VAX2: variants seen among roughly 807,000 people sequenced by gnomAD.
The protein encoded by VAX2 is ventral anterior homeobox 2.
A neutral mutation model predicts 12.5 loss-of-function variants in VAX2; 8 were observed. That is an observed-to-expected ratio of 0.64 (90% CI 0.37 to 1.15). VAX2 has a LOEUF of 1.15. Ranked by LOEUF, VAX2 falls within the 50% of genes most tolerant of loss-of-function variation. VAX2 has a pLI of 0.01. For synonymous variants in VAX2, 183 were observed against 187.6 expected, an observed-to-expected ratio of 0.98 and a Z score of 0.20; for missense variants, 476 against 412.9, an observed-to-expected ratio of 1.15 and a Z score of -1.32.
intron 2 of VAX2, among the ~76,000 whole-genome samples, chr2:70,928,272 T>C (rs1311267939): frequency 3.9e-5 from 6 of 152,200 alleles, no homozygotes; most frequent in African/African-American, 9.7e-5. Flanking sequence ...CCCTTGAAGT[T>C]TGCAATGCTG....
At position 70,900,883 on chromosome 2, in the gene VAX2, C is replaced by G. The variant is rs1678907693; in HGVS notation, c.247+15C>G. On this transcript the variant is annotated intron_variant, in intron 1 of 2. Coordinates refer to ENST00000234392, the MANE Select transcript of VAX2 (RefSeq NM_012476.3). ...ACTGGTGCGAGGTAAGGGGACAGCC[C>G]GCGGCCCTGCTCCACTGGACCCTCA... 3 of 1,386,770 alleles carry G rather than the reference C, an allele frequency of 2.2e-6. No homozygotes were observed. The highest frequency in any genetic ancestry group is 3.0e-5 in the African/African-American group (2 of 67,084). 85.9% of individuals were successfully genotyped at this position (1,386,770 alleles called of 1,614,324 possible).
chr2:70,904,422 C>A lies in VAX2; in HGVS notation c.247+3554C>A, dbSNP rs892101107. Among the ~76,000 whole-genome samples, 1 of 152,216 alleles carries A rather than the reference C, an allele frequency of 6.6e-6. No individual in the cohort carries two copies. The highest frequency in any genetic ancestry group is 2.1e-4 in the South Asian group (1 of 4,826). ...TCGATGCTCCACCTGCACGCTCAAACGCACCTGTTTCCCAAATTAATCCAG... is the reference window on the plus strand; with the variant it reads ...TCGATGCTCCACCTGCACGCTCAAAAGCACCTGTTTCCCAAATTAATCCAG... On this transcript the variant is annotated intron_variant, in intron 1 of 2. Transcript: ENST00000234392. The surrounding 1 kb of genome is among the most constrained non-coding windows in gnomAD (Gnocchi z 4.2).
intron 1 of VAX2, 116 bp from the exon 2 acceptor site, chr2:70,920,982 C>A: frequency 7.9e-7 from 1 of 1,262,270 alleles, no homozygotes; most frequent in Non-Finnish European, 1.1e-6. Flanking sequence ...GTCATGCAAC[C>A]AGATCCAGGC....
intron 2 of VAX2, among the ~76,000 whole-genome samples, chr2:70,923,454 A>G (rs563607502): frequency 3.9e-5 from 6 of 152,298 alleles, no homozygotes; most frequent in African/African-American, 1.2e-4. Flanking sequence ...AGTATATTCA[A>G]CAGTTCAATA....
In VAX2 at chr2:70,900,639, C is replaced by G. The variant is rs1272381116; in HGVS notation, c.18C>G (p.Ala6=). Residue 6 remains alanine, a synonymous_variant, in exon 1 of 3, where the codon GCC becomes GCG. Coordinates refer to ENST00000234392, the MANE Select transcript of VAX2 (RefSeq NM_012476.3). The stretch of plus-strand genomic sequence containing the variant: ...CGGTCAGCATGGGCGATGGGGGCGC[C>G]GAGCGCGACCGGGGCCCCGCGCGCC... MGDGG[A]ERDRGPARRA... is the part of the protein sequence containing the mutation. 2.4e-6 allele frequency: 3 copies of G among 1,271,056 alleles called. No individual in the cohort carries two copies. The highest frequency in any genetic ancestry group is 3.0e-6 in the Non-Finnish European group (3 of 1,008,650). The allele number at this position is 1,271,056 out of a possible 1,614,324, so 78.7% of individuals were successfully genotyped here.
At chr2:70,915,257 G>GT (rs34783362) in intron 1 of VAX2, among the ~76,000 whole-genome samples, 70,358 of 150,388 alleles carry the variant, frequency 0.47, 17,053 homozygotes, top group East Asian at 0.72. Context: ...TTTGTTTTTT[G>GT]TTTTTTTTGA....
In VAX2 at chr2:70,932,804, A is replaced by G; in HGVS notation, c.473A>G (p.Lys158Arg). ...VWFQNRRTKQKKDQSRDLEKR... is the reference protein window; with the variant it reads ...VWFQNRRTKQRKDQSRDLEKR... Reference sequence around the variant, plus strand: ...TTCCAGAACCGCCGCACCAAGCAGAAGAAAGACCAGAGCAGAGACCTGGAG... The same window carrying G: ...TTCCAGAACCGCCGCACCAAGCAGAGGAAAGACCAGAGCAGAGACCTGGAG... Residue 158 changes from lysine (K) to arginine (R), a missense_variant, in exon 3 of 3, where the codon AAG becomes AGG. Physicochemically the swap from Lys to Arg is conservative, Grantham distance 26. Coordinates refer to ENST00000234392, the MANE Select transcript of VAX2 (RefSeq NM_012476.3). The G allele has an allele frequency of 6.2e-7, 1 of 1,602,294 alleles. No homozygotes were observed. Among genetic ancestry groups the G allele is most frequent in the Non-Finnish European group, 8.5e-7 (1 of 1,173,786 alleles).
Position 70,917,639 on chromosome 2 carries a change from T to C in VAX2, c.248-3459T>C, listed in dbSNP as rs149232388. The stretch of plus-strand genomic sequence containing the variant: ...AACATTTTTCATGTGCTTATTTGTA[T>C]GGCATGTTTTAATATTTGGTGGCAA... On this transcript the variant is annotated intron_variant, in intron 1 of 2. Transcript: ENST00000234392. Among the ~76,000 whole-genome samples the C allele has an allele frequency of 1.0e-3, 153 of 152,344 alleles. 1 individual carries two copies. The highest frequency in any genetic ancestry group is 3.6e-3 in the African/African-American group (151 of 41,580).
Position 70,933,290 on chromosome 2 carries a change from A to G in VAX2, c.*86A>G. 2 of 1,307,606 alleles carry G rather than the reference A, an allele frequency of 1.5e-6. No individual in the cohort carries two copies. Among genetic ancestry groups the G allele is most frequent in the East Asian group, 2.9e-5 (1 of 34,534 alleles). The allele number at this position is 1,307,606 out of a possible 1,614,324, so 81.0% of individuals were successfully genotyped here. A position where few individuals can be genotyped will look rare whatever the true frequency, so the allele number is the denominator to read the frequency against. ...GCGGACAGCACTGAGCAGGCCCCGGAGAGGAGGGGCTGCAGCCACACACTC... is the reference window on the plus strand; with the variant it reads ...GCGGACAGCACTGAGCAGGCCCCGGGGAGGAGGGGCTGCAGCCACACACTC... On this transcript the variant is annotated 3_prime_UTR_variant, in exon 3 of 3. Coordinates refer to ENST00000234392, the MANE Select transcript of VAX2 (RefSeq NM_012476.3).
chr2:70,928,853 C>T (rs1553413916), intron 2 of VAX2, among the ~76,000 whole-genome samples: 1 of 152,324 alleles, frequency 6.6e-6, no homozygotes, highest in Middle Eastern at 3.4e-3. Flanking sequence ...GTGGGCCAGG[C>T]GTGATGCCAA....
chr2:70,921,562 A>G (rs1679459394), intron 2 of VAX2, among the ~76,000 whole-genome samples: 1 of 152,168 alleles, frequency 6.6e-6, no homozygotes, highest in African/African-American at 2.4e-5. Flanking sequence ...GGGGAAGAGC[A>G]GCCCTCAGGG....
At position 70,900,838 on chromosome 2, in the gene VAX2, G is replaced by A; in HGVS notation, c.217G>A (p.Ala73Thr). Reference sequence around the variant, plus strand: ...CGACGGGCAGCCCGGGCCCGGCGAGGCAGACCACTGCCGCCGCATACTGGT... The same window carrying A: ...CGACGGGCAGCCCGGGCCCGGCGAGACAGACCACTGCCGCCGCATACTGGT... ...DSDGQPGPGEADHCRRILVRD... is the reference protein window; with the variant it reads ...DSDGQPGPGETDHCRRILVRD... The change falls in exon 1 of 3, where the codon GCA (alanine) becomes ACA (threonine). Residue 73 changes from alanine to threonine, a missense_variant. By Grantham distance (58) the Ala-to-Thr change is moderately conservative. Coordinates refer to ENST00000234392, the MANE Select transcript of VAX2 (RefSeq NM_012476.3). 1.4e-6 allele frequency: 2 copies of A among 1,454,708 alleles called. No individual in the cohort carries two copies. Among genetic ancestry groups the A allele is most frequent in the Non-Finnish European group, 1.8e-6 (2 of 1,102,348 alleles). The allele number at this position is 1,454,708 out of a possible 1,614,324, so 90.1% of individuals were successfully genotyped here.
In VAX2 at chr2:70,933,024, G is replaced by T. The variant is rs781851281; in HGVS notation, c.693G>T (p.Pro231=). The T allele has an allele frequency of 3.8e-6, 6 of 1,595,734 alleles. No individual in the cohort carries two copies. In the Admixed American group the frequency reaches 1.0e-4, roughly 28 times the overall value. The part of the protein sequence containing the change: ...DPRNSSPRLN[P]LSSASASPPL... ...GGAACTCCTCCCCACGCCTCAACCCGCTGTCCTCGGCCTCAGCGTCCCCCC... is the reference window on the plus strand; with the variant it reads ...GGAACTCCTCCCCACGCCTCAACCCTCTGTCCTCGGCCTCAGCGTCCCCCC... Residue 231 remains proline, a synonymous_variant, in exon 3 of 3, where the codon CCG becomes CCT. Transcript: ENST00000234392.
chr2:70,900,839 C>G lies in VAX2; in HGVS notation c.218C>G (p.Ala73Gly). 6.9e-7 allele frequency: 1 copy of G among 1,454,136 alleles called. No homozygotes were observed. The allele number at this position is 1,454,136 out of a possible 1,614,324, so 90.1% of individuals were successfully genotyped here. A position where few individuals can be genotyped will look rare whatever the true frequency, so the allele number is the denominator to read the frequency against. Residue 73 changes from alanine to glycine, a missense_variant, in exon 1 of 3, where the codon GCA becomes GGA. Ala to Gly is a moderately conservative substitution (Grantham distance 60). Transcript: ENST00000234392. ...GACGGGCAGCCCGGGCCCGGCGAGGCAGACCACTGCCGCCGCATACTGGTG... is the reference window on the plus strand; with the variant it reads ...GACGGGCAGCCCGGGCCCGGCGAGGGAGACCACTGCCGCCGCATACTGGTG... ...DSDGQPGPGEADHCRRILVRD... is the reference protein window; with the variant it reads ...DSDGQPGPGEGDHCRRILVRD...
At chr2:70,914,728 C>A (rs1679269323) in intron 1 of VAX2, among the ~76,000 whole-genome samples, 1 of 151,774 alleles carries the variant, frequency 6.6e-6, no homozygotes, top group Non-Finnish European at 1.5e-5. Flanking sequence ...TGTTTATTGG[C>A]CATTTAGCTG....
rs143185254 is a variant in VAX2, at chr2:70,932,953, C to T, written c.622C>T (p.Pro208Ser). The T allele has an allele frequency of 3.1e-6, 5 of 1,611,924 alleles. No homozygotes were observed. The African/African-American group carries it at 5.3e-5, about 17-fold the overall frequency. ...PSLLALTPSL[P>S]GLPASHRGTS... The stretch of plus-strand genomic sequence containing the variant: ...CCTCCTGGCGCTGACCCCTAGCCTG[C>T]CAGGCCTACCTGCCAGCCACAGGGG... The change falls in exon 3 of 3, where the codon CCA becomes TCA. Residue 208 changes from proline (P) to serine (S), a missense_variant. Transcript: ENST00000234392.
intron 2 of VAX2, among the ~76,000 whole-genome samples, chr2:70,926,696 T>G (rs1437540773): frequency 6.6e-6 from 1 of 152,098 alleles, no homozygotes; most frequent in Non-Finnish European, 1.5e-5. Context: ...TGCACAGTGA[T>G]GTCTGAGAAT....
intron 1 of VAX2, among the ~76,000 whole-genome samples, chr2:70,917,873 A>G (rs1276643343): frequency 4.6e-5 from 7 of 152,194 alleles, no homozygotes; most frequent in Non-Finnish European, 1.0e-4. Context: ...CACCAGCTGT[A>G]ACAGCACCCT....
intron 1 of VAX2, among the ~76,000 whole-genome samples, chr2:70,914,765 A>C (rs1334549775): frequency 2.7e-5 from 4 of 150,704 alleles, no homozygotes; most frequent in African/African-American, 9.8e-5. Flanking sequence ...ACCCAGATAA[A>C]TTACTTGACC....
Sources: gnomAD v4.1 joint callset for allele counts (sites outside exome capture counted in the v4.1 genomes callset) on GRCh38, gnomAD v4.1.1 for gene constraint, Gnocchi (gnomAD v3.1) non-coding constraint, MANE v1.5 for transcripts, NCBI Gene and HGNC (gene_info 2026-07-23, HGNC 2026-07-21) for gene names.